R3HDM2: variants seen among roughly 807,000 people sequenced by gnomAD.
R3HDM2 encodes R3H domain-containing protein 2.
Under a neutral mutation model 124.5 loss-of-function variants are expected in R3HDM2, and 38 were observed. The observed-to-expected ratio is 0.31, with a 90% CI of 0.24 to 0.40. R3HDM2 has a LOEUF of 0.40. Among genes scored for constraint, R3HDM2 ranks in the 10% least tolerant of loss-of-function variants. The pLI, the probability that R3HDM2 is intolerant of heterozygous loss-of-function variation, is 1.00. For missense variants in R3HDM2, 869 were observed against 1,236.9 expected (o/e 0.70, Z 4.46); for synonymous variants, 391 against 448.0 (o/e 0.87, Z 1.61).
chr12:57,347,103 G>C (rs1203656391), intron 2 of R3HDM2, among the ~76,000 whole-genome samples: 2 of 152,176 alleles, frequency 1.3e-5, no homozygotes, highest in Non-Finnish European at 2.9e-5. Context: ...AAAATTAGCT[G>C]GGCTTGGTGG....
chr12:57,315,072 G>T (rs953642837), intron 2 of R3HDM2, among the ~76,000 whole-genome samples: 1 of 149,990 alleles, frequency 6.7e-6, no homozygotes, highest in Non-Finnish European at 1.5e-5. Flanking sequence ...ACAGAGTCTC[G>T]CTCTGTCACT....
intron 1 of R3HDM2, chr12:57,418,405 G>T: frequency 1.1e-6 from 1 of 893,660 alleles, no homozygotes; most frequent in Non-Finnish European, 1.3e-6. Context: ...GGTTGCGCAG[G>T]CTGCCGTTGG....
chr12:57,393,063 C>CA lies in R3HDM2; in HGVS notation c.-36+2685dup, dbSNP rs2066955718. Among the ~76,000 whole-genome samples, 4 of 151,676 alleles carry CA rather than the reference C, an allele frequency of 2.6e-5. No individual in the cohort carries two copies. In the South Asian group the frequency reaches 8.3e-4, roughly 31 times the overall value. On this transcript the variant is annotated intron_variant, in intron 2 of 23. Transcript: ENST00000402412. Reference sequence around the variant, plus strand: ...TCGTGATCCACCCGCCTTGGCCTCCCAGAGTGCTGGGATTACAGGCGTCAG... The same window carrying CA: ...TCGTGATCCACCCGCCTTGGCCTCCCAAGAGTGCTGGGATTACAGGCGTCAG...
At chr12:57,374,495 A>C (rs574596824) in intron 2 of R3HDM2, among the ~76,000 whole-genome samples, 1 of 150,358 alleles carries the variant, frequency 6.7e-6, no homozygotes, top group Non-Finnish European at 1.5e-5. Flanking sequence ...CAGCCTGGCC[A>C]ACATGGTAAA....
chr12:57,420,009 A>G (rs1246629280), intron 1 of R3HDM2, among the ~76,000 whole-genome samples: 1 of 152,196 alleles, frequency 6.6e-6, no homozygotes, highest in African/African-American at 2.4e-5. Flanking sequence ...TATAAAGGTC[A>G]TAAGGCAGAA....
At chr12:57,381,438 G>A (rs1224511099) in intron 2 of R3HDM2, among the ~76,000 whole-genome samples, 9 of 151,588 alleles carry the variant, frequency 5.9e-5, no homozygotes, top group Admixed American at 4.6e-4. Context: ...CCAGCTACTC[G>A]GGAGGTTGAG....
chr12:57,311,663 G>C (rs558905858), intron 2 of R3HDM2, among the ~76,000 whole-genome samples: 1 of 152,036 alleles, frequency 6.6e-6, no homozygotes, highest in Admixed American at 6.6e-5. Context: ...GTGAGCCATC[G>C]CACCCAGCCT....
chr12:57,300,627 T>G (rs1372633219), intron 4 of R3HDM2, among the ~76,000 whole-genome samples: 1 of 152,218 alleles, frequency 6.6e-6, no homozygotes, highest in Non-Finnish European at 1.5e-5. Flanking sequence ...CAGGTCTCTG[T>G]TTTTCCTCAG....
At chr12:57,262,101 A>G (rs2041018902) in intron 19 of R3HDM2, among the ~76,000 whole-genome samples, 1 of 152,302 alleles carries the variant, frequency 6.6e-6, no homozygotes, top group African/African-American at 2.4e-5. Context: ...AATCACATCT[A>G]TGGAAAGGAA....
At chr12:57,324,826 T>C (rs555905447) in intron 2 of R3HDM2, among the ~76,000 whole-genome samples, 1 of 152,318 alleles carries the variant, frequency 6.6e-6, no homozygotes, top group South Asian at 2.1e-4. Context: ...TTAAAGTCCT[T>C]ACCCTCAGTA....
chr12:57,340,670 G>C (rs1299694540), intron 2 of R3HDM2, among the ~76,000 whole-genome samples: 1 of 152,152 alleles, frequency 6.6e-6, no homozygotes, highest in Non-Finnish European at 1.5e-5. Flanking sequence ...CAGAGTAAAT[G>C]AAAGCACAGA....
chr12:57,366,947 A>G (rs563171737), intron 2 of R3HDM2, among the ~76,000 whole-genome samples: 128 of 152,172 alleles, frequency 8.4e-4, no homozygotes, highest in African/African-American at 2.8e-3. Context: ...TTTGCCTCCC[A>G]AAGTGCTGGG....
chr12:57,310,739 C>CT (rs1566086248), intron 2 of R3HDM2, among the ~76,000 whole-genome samples: 1 of 152,140 alleles, frequency 6.6e-6, no homozygotes, highest in African/African-American at 2.4e-5. Context: ...AAACAGTGAG[C>CT]GCATTCACCA....
intron 14 of R3HDM2, chr12:57,272,339 A>T (rs1458091258): frequency 1.1e-6 from 1 of 880,836 alleles, no homozygotes; most frequent in Non-Finnish European, 1.8e-6. Context: ...AATAGCTTTC[A>T]ATATGCCCTC....
At chr12:57,322,995 C>A (rs191103657) in intron 2 of R3HDM2, among the ~76,000 whole-genome samples, 2 of 152,218 alleles carry the variant, frequency 1.3e-5, no homozygotes, top group Admixed American at 1.3e-4. Context: ...AATTTTTTTA[C>A]AGTTTATTGA....
chr12:57,365,755 G>A (rs1336348947), intron 2 of R3HDM2, among the ~76,000 whole-genome samples: 1 of 152,104 alleles, frequency 6.6e-6, no homozygotes, highest in Non-Finnish European at 1.5e-5. Context: ...GGCCAACATG[G>A]TGAAACCCCG....
At chr12:57,343,764 TAAAAA>T (rs5798403) in intron 2 of R3HDM2, among the ~76,000 whole-genome samples, 7 of 111,650 alleles carry the variant, frequency 6.3e-5, no homozygotes, top group East Asian at 4.8e-4. Context: ...TACAAAAGGT[TAAAAA>T]AAAAAAAAAA....
At chr12:57,314,266 G>T (rs1022398640) in intron 2 of R3HDM2, among the ~76,000 whole-genome samples, 1 of 149,034 alleles carries the variant, frequency 6.7e-6, no homozygotes, top group Admixed American at 6.7e-5. Context: ...GATAACCTGA[G>T]GTCAGGAGTT....
chr12:57,327,144 T>C (rs2057411952), intron 2 of R3HDM2, among the ~76,000 whole-genome samples: 1 of 152,194 alleles, frequency 6.6e-6, no homozygotes, highest in Admixed American at 6.5e-5. Context: ...AGGAGTCATT[T>C]AGACTTTCAA....
Sources: gnomAD v4.1 joint callset for allele counts (sites outside exome capture counted in the v4.1 genomes callset) on GRCh38, gnomAD v4.1.1 for gene constraint, MANE v1.5 for transcripts, NCBI Gene and HGNC (gene_info 2026-07-23, HGNC 2026-07-21) for gene names.